The following CSPP1 variants were observed in gnomAD, a reference collection of about 807,000 sequenced individuals.
CSPP1 encodes centrosome and spindle pole-associated protein 1.
A neutral mutation model predicts 164.4 loss-of-function variants in CSPP1; 126 were observed. The observed-to-expected ratio is 0.77, with a 90% CI of 0.66 to 0.89. The LOEUF (loss-of-function observed/expected upper bound fraction) is 0.89, where lower values mean the gene tolerates loss of function less well. Ranked by LOEUF, CSPP1 falls within the 40% of genes least tolerant of loss-of-function variation. The pLI is 0.00. For missense variants in CSPP1, 1,395 were observed against 1,449.8 expected, an observed-to-expected ratio of 0.96 and a Z score of 0.61; for synonymous variants, 472 against 476.7, an observed-to-expected ratio of 0.99 and a Z score of 0.13.
rs1462595839 is a variant in CSPP1 at position 67,172,551 on chromosome 8, T to G, written c.2964T>G (p.Asp988Glu). 4.3e-6 allele frequency: 7 copies of G among 1,610,212 alleles called. No individual in the cohort carries two copies. The highest frequency in any genetic ancestry group is 5.9e-6 in the Non-Finnish European group (7 of 1,177,700). Residue 988 changes from aspartate (D) to glutamate (E), a missense_variant, in exon 25 of 31, where the codon GAT becomes GAG. By Grantham distance (45) the Asp-to-Glu change is conservative. Coordinates refer to ENST00000678616, the MANE Select transcript of CSPP1 (RefSeq NM_001382391.1). ...QNVHDFNELK[D>E]RDSETRVDLK... ...TTCATGATTTTAATGAGCTGAAAGATAGAGGTGAGTAGATTGCTGCTCTTT... is the reference window on the plus strand; with the variant it reads ...TTCATGATTTTAATGAGCTGAAAGAGAGAGGTGAGTAGATTGCTGCTCTTT...
chr8:67,099,947 A>G (rs1037238819), intron 7 of CSPP1, among the ~76,000 whole-genome samples: 1 of 152,122 alleles, frequency 6.6e-6, no homozygotes, highest in Non-Finnish European at 1.5e-5. Context: ...TAAAATCTGT[A>G]TTTGTAAACA....
intron 21 of CSPP1, among the ~76,000 whole-genome samples, chr8:67,161,073 C>T (rs1267454948): frequency 6.6e-6 from 1 of 152,162 alleles, no homozygotes; most frequent in Non-Finnish European, 1.5e-5. Context: ...CCTGCTTGGC[C>T]TCCCAAAGTG....
rs942452572 is a variant in CSPP1 at position 67,195,885 on chromosome 8, T to TTAAGA, written c.*297_*301dup. 2.8e-5 allele frequency: 8 copies of TTAAGA among 289,950 alleles called. No homozygotes were observed. Among genetic ancestry groups the TTAAGA allele is most frequent in the Admixed American group, 4.8e-5 (1 of 20,914 alleles). The allele number at this position is 289,950 out of a possible 1,614,324, so 18.0% of individuals were successfully genotyped here. ...GCATTATATTGAATTCTGCTTGTCA[T>TTAAGA]TAAGATAAGGTGAATAAGTGTCTTA... is the stretch of plus-strand genomic sequence containing the variant. On this transcript the variant is annotated 3_prime_UTR_variant, in exon 31 of 31. Transcript: ENST00000678616.
intron 28 of CSPP1, among the ~76,000 whole-genome samples, chr8:67,186,986 T>TATCTATCTATCTATCTATCTATCTATCTA: frequency 6.8e-6 from 1 of 148,070 alleles, no homozygotes; most frequent in Non-Finnish European, 1.5e-5. Context: ...TCTATCTATC[T>TATCTATCTATCTATCTATCTATCTATCTA]ATCTATCTAT....
chr8:67,133,140 A>G (rs1051750337), intron 16 of CSPP1, among the ~76,000 whole-genome samples: 11 of 152,200 alleles, frequency 7.2e-5, no homozygotes, highest in African/African-American at 1.7e-4. Context: ...CTAGAGGTCT[A>G]TTTGATGTGT....
chr8:67,195,279 G>A, intron 30 of CSPP1, 103 bp from the exon 31 acceptor site: 1 of 781,650 alleles, frequency 1.3e-6, no homozygotes, highest in South Asian at 1.4e-5. Flanking sequence ...TGAGACTGTG[G>A]GGAAATGCTG....
chr8:67,186,418 TA>T (rs60962928), intron 28 of CSPP1, among the ~76,000 whole-genome samples: 65,575 of 140,284 alleles, frequency 0.47, 14,805 homozygotes, highest in East Asian at 0.6. Context: ...TGTTTTAAAT[TA>T]AAAAAAAAAA....
At chr8:67,162,074 A>AC (rs1407851220) in intron 22 of CSPP1, among the ~76,000 whole-genome samples, 159 bp downstream of exon 22, 1 of 152,188 alleles carries the variant, frequency 6.6e-6, no homozygotes, top group Non-Finnish European at 1.5e-5. Flanking sequence ...TTCGATTGTA[A>AC]CTGATAGTGC....
At chr8:67,085,469 A>C (rs183034340) in intron 3 of CSPP1, among the ~76,000 whole-genome samples, 300 of 152,174 alleles carry the variant, frequency 2.0e-3, no homozygotes, top group Middle Eastern at 6.8e-3. Context: ...TGTATGCTAA[A>C]AAAAATCATG....
chr8:67,195,828 G>A lies in CSPP1; in HGVS notation c.*235G>A, dbSNP rs560368757. 2.5e-5 allele frequency: 12 copies of A among 476,010 alleles called. No individual in the cohort carries two copies. The East Asian group carries it at 4.5e-4, about 18-fold the overall frequency. The allele number at this position is 476,010 out of a possible 1,614,324, so 29.5% of individuals were successfully genotyped here. ...TTGCACAGTTTTGTCATAAATTAGG[G>A]TGGTAATGAACTGGATTGAACTACT... On this transcript the variant is annotated 3_prime_UTR_variant, in exon 31 of 31. Coordinates refer to ENST00000678616, the MANE Select transcript of CSPP1 (RefSeq NM_001382391.1).
At chr8:67,156,942 T>C (rs1826778825) in intron 19 of CSPP1, among the ~76,000 whole-genome samples, 1 of 152,220 alleles carries the variant, frequency 6.6e-6, no homozygotes, top group Non-Finnish European at 1.5e-5. Flanking sequence ...CAGAAACCTG[T>C]TGAACAACTG....
intron 28 of CSPP1, among the ~76,000 whole-genome samples, chr8:67,187,951 T>C (rs1228272432): frequency 6.6e-6 from 1 of 152,134 alleles, no homozygotes; most frequent in Non-Finnish European, 1.5e-5. Flanking sequence ...ACAGAAAATC[T>C]AGATGACCTT....
At chr8:67,182,657 T>G (rs1049930500) in intron 28 of CSPP1, among the ~76,000 whole-genome samples, 1 of 152,244 alleles carries the variant, frequency 6.6e-6, no homozygotes, top group Non-Finnish European at 1.5e-5. Flanking sequence ...TTACTTTGTT[T>G]TTTGAATAGT....
rs570890045 is a variant in CSPP1 at position 67,146,442 on chromosome 8, T to G, written c.1976-3341T>G. ...CCAGCTGGAGAGAATATACTTTTAA[T>G]GACTTCAGTGTTTTTAAGTTTGTGA... is the stretch of plus-strand genomic sequence containing the variant. On this transcript the variant is annotated intron_variant, in intron 17 of 30. Coordinates refer to ENST00000678616, the MANE Select transcript of CSPP1 (RefSeq NM_001382391.1). Among the ~76,000 whole-genome samples the G allele has an allele frequency of 3.8e-4, 58 of 152,300 alleles. 1 individual carries two copies. The South Asian group carries it at 0.012, about 30-fold the overall frequency.
chr8:67,176,565 T>C (rs1411681612), intron 26 of CSPP1, among the ~76,000 whole-genome samples: 1 of 152,198 alleles, frequency 6.6e-6, no homozygotes, highest in African/African-American at 2.4e-5. Flanking sequence ...GAGAAGCAAG[T>C]GCATTCTTCA....
intron 17 of CSPP1, among the ~76,000 whole-genome samples, chr8:67,143,204 C>G (rs1423270018): frequency 6.6e-6 from 1 of 151,994 alleles, no homozygotes; most frequent in Non-Finnish European, 1.5e-5. Context: ...CTGTCTCTCT[C>G]TGTTCCATTG....
At chr8:67,093,314 T>C (rs1398934360) in intron 5 of CSPP1, among the ~76,000 whole-genome samples, 3 of 152,222 alleles carry the variant, frequency 2.0e-5, no homozygotes, top group African/African-American at 7.2e-5. Flanking sequence ...TAGTCATGCA[T>C]ATTCTCATGT....
rs75501810 is a variant in CSPP1, at chr8:67,086,230, G to A, written c.303+120G>A. On this transcript the variant is annotated intron_variant, in intron 4 of 30. Coordinates refer to ENST00000678616, the MANE Select transcript of CSPP1 (RefSeq NM_001382391.1). ...GGTTTTCAGTGGTACTAGCAAAGTAGTAGTATAGTCAAAGTTAAGTGGCAT... is the reference window on the plus strand; with the variant it reads ...GGTTTTCAGTGGTACTAGCAAAGTAATAGTATAGTCAAAGTTAAGTGGCAT... 2,939 of 755,796 alleles carry A rather than the reference G, an allele frequency of 3.9e-3. 13 individuals are homozygous for A. Among genetic ancestry groups the A allele is most frequent in the Non-Finnish European group, 6.1e-3 (2,505 of 410,122 alleles). The allele number at this position is 755,796 out of a possible 1,614,324, so 46.8% of individuals were successfully genotyped here. A position where few individuals can be genotyped will look rare whatever the true frequency, so the allele number is the denominator to read the frequency against.
intron 27 of CSPP1, among the ~76,000 whole-genome samples, 160 bp downstream of exon 27, chr8:67,177,886 A>C (rs1294039865): frequency 6.6e-6 from 1 of 151,774 alleles, no homozygotes; most frequent in African/African-American, 2.4e-5. Flanking sequence ...TGTTAGTGTA[A>C]TATATATAGA....
Sources: allele counts gnomAD v4.1 joint callset (sites outside exome capture counted in the v4.1 genomes callset), GRCh38; gene constraint gnomAD v4.1.1; transcripts MANE v1.5; gene names NCBI Gene and HGNC (gene_info 2026-07-23, HGNC 2026-07-21).